Variants in IQCJ observed in about 807,000 individuals in gnomAD.
IQCJ encodes the protein IQ motif containing J, also known as IQ domain-containing protein J.
A neutral mutation model predicts 11.0 loss-of-function variants in IQCJ; 9 were observed. The observed-to-expected ratio is 0.82, with a 90% CI of 0.49 to 1.43. The LOEUF is 1.43. Ranked by LOEUF, IQCJ falls within the 40% of genes most tolerant of loss-of-function variation. The pLI is 0.00. For synonymous variants in IQCJ, 55 were observed against 51.3 expected, an observed-to-expected ratio of 1.07 and a Z score of -0.31; for missense variants, 146 against 133.2, an observed-to-expected ratio of 1.10 and a Z score of -0.47.
intron 1 of IQCJ, among the ~76,000 whole-genome samples, chr3:159,229,470 A>C (rs985683716): frequency 6.6e-6 from 1 of 152,000 alleles, no homozygotes; most frequent in Non-Finnish European, 1.5e-5. Flanking sequence ...TTCAGGCTGC[A>C]GGAAGACAGG....
intron 1 of IQCJ, among the ~76,000 whole-genome samples, chr3:159,135,893 G>A (rs1720262977): frequency 6.6e-6 from 1 of 152,202 alleles, no homozygotes; most frequent in African/African-American, 2.4e-5. Flanking sequence ...AATTATTTAT[G>A]TAGTAAACAA....
At chr3:159,252,140 A>C (rs1727639273) in intron 2 of IQCJ, among the ~76,000 whole-genome samples, 1 of 152,186 alleles carries the variant, frequency 6.6e-6, no homozygotes, top group African/African-American at 2.4e-5. Flanking sequence ...CCGTCCTTCA[A>C]AACTCATCCC....
At chr3:159,114,226 G>A (rs1017801900) in intron 1 of IQCJ, among the ~76,000 whole-genome samples, 2 of 152,002 alleles carry the variant, frequency 1.3e-5, no homozygotes, top group Non-Finnish European at 2.9e-5. Flanking sequence ...TATTTTCTAA[G>A]TTCCTTTGGT....
chr3:159,121,585 C>G (rs913439224), intron 1 of IQCJ, among the ~76,000 whole-genome samples: 1 of 152,174 alleles, frequency 6.6e-6, no homozygotes, highest in African/African-American at 2.4e-5. Context: ...AATTTTTTGT[C>G]TGAGCTCCAG....
rs190024895 is a variant in IQCJ at position 159,094,112 on chromosome 3, A to G, written c.9+24671A>G. 1.9e-3 allele frequency among the ~76,000 whole-genome samples: 296 copies of G among 151,920 alleles called. 13 individuals carry two copies. Among genetic ancestry groups the G allele is most frequent in the African/African-American group, 6.9e-3 (285 of 41,210 alleles). ...CTCCTTTACATGTTTTCTCTTGGCAATGTCCAAAATCTATGCTCCTAGCCA... is the reference window on the plus strand; with the variant it reads ...CTCCTTTACATGTTTTCTCTTGGCAGTGTCCAAAATCTATGCTCCTAGCCA... On this transcript the variant is annotated intron_variant, in intron 1 of 3. Transcript: ENST00000397832.
chr3:159,220,501 G>A (rs906960291), intron 1 of IQCJ, among the ~76,000 whole-genome samples: 10 of 152,132 alleles, frequency 6.6e-5, no homozygotes, highest in African/African-American at 2.4e-4. Context: ...TCCTGTACCT[G>A]TGCTTTACCT....
chr3:159,094,826 A>G (rs1227682471), intron 1 of IQCJ, among the ~76,000 whole-genome samples: 1 of 151,918 alleles, frequency 6.6e-6, no homozygotes, highest in Non-Finnish European at 1.5e-5. Flanking sequence ...CTTCTTTATT[A>G]TCCATGTTGG....
intron 1 of IQCJ, among the ~76,000 whole-genome samples, chr3:159,076,515 A>G (rs1051592089): frequency 6.6e-5 from 10 of 152,110 alleles, no homozygotes; most frequent in African/African-American, 2.2e-4. Context: ...TTATCTGTAA[A>G]ATGAATATTA....
intron 1 of IQCJ, among the ~76,000 whole-genome samples, chr3:159,162,771 A>G (rs1478189980): frequency 6.6e-6 from 1 of 152,206 alleles, no homozygotes; most frequent in Non-Finnish European, 1.5e-5. Context: ...AATACAAACT[A>G]CCGTCAGAGA....
chr3:159,174,999 C>T (rs899154819), intron 1 of IQCJ, among the ~76,000 whole-genome samples: 2 of 152,140 alleles, frequency 1.3e-5, no homozygotes, highest in East Asian at 1.9e-4. Context: ...TTTATACCCT[C>T]TTCCACCAGC....
At chr3:159,254,396 G>C (rs528956957) in intron 3 of IQCJ, among the ~76,000 whole-genome samples, 39 of 152,262 alleles carry the variant, frequency 2.6e-4, no homozygotes, top group African/African-American at 8.7e-4. Context: ...TATATTTGTT[G>C]ATTTGTTGGA....
chr3:159,151,925 C>T (rs1055346651), intron 1 of IQCJ, among the ~76,000 whole-genome samples: 1 of 152,254 alleles, frequency 6.6e-6, no homozygotes, highest in Non-Finnish European at 1.5e-5. Context: ...TGAGCCATCA[C>T]ACCCAGCTCA....
chr3:159,185,417 G>A (rs962299309), intron 1 of IQCJ, among the ~76,000 whole-genome samples: 29 of 152,260 alleles, frequency 1.9e-4, no homozygotes, highest in African/African-American at 6.3e-4. Context: ...CTAAAAGAAG[G>A]ATAGAAAGGA....
chr3:159,208,169 C>G (rs1053585310), intron 1 of IQCJ, among the ~76,000 whole-genome samples: 2 of 152,166 alleles, frequency 1.3e-5, no homozygotes, highest in African/African-American at 2.4e-5. Flanking sequence ...TGGGGAGCTC[C>G]TGACAGATGA....
chr3:159,073,668 A>G (rs536819424), intron 1 of IQCJ, among the ~76,000 whole-genome samples: 9 of 152,150 alleles, frequency 5.9e-5, no homozygotes, highest in South Asian at 2.1e-4. Flanking sequence ...CTCCCATCCA[A>G]TTCAGTCTCT....
At chr3:159,248,221 G>T (rs550907782) in intron 2 of IQCJ, among the ~76,000 whole-genome samples, 15 of 152,198 alleles carry the variant, frequency 9.9e-5, no homozygotes, top group African/African-American at 3.6e-4. Flanking sequence ...TACCTTCAAT[G>T]CTGGCTCCTT....
intron 3 of IQCJ, among the ~76,000 whole-genome samples, chr3:159,260,664 G>C (rs1440688913): frequency 6.6e-6 from 1 of 152,082 alleles, no homozygotes; most frequent in Non-Finnish European, 1.5e-5. Flanking sequence ...TTCCCATTCT[G>C]CTTAAAATCT....
chr3:159,171,194 C>T (rs1164793956), intron 1 of IQCJ, among the ~76,000 whole-genome samples: 1 of 151,946 alleles, frequency 6.6e-6, no homozygotes, highest in Non-Finnish European at 1.5e-5. Flanking sequence ...CAGCACTCCC[C>T]CATGAAATTA....
intron 3 of IQCJ, among the ~76,000 whole-genome samples, chr3:159,253,719 A>G (rs1727735904): frequency 6.6e-6 from 1 of 152,114 alleles, no homozygotes; most frequent in Admixed American, 6.6e-5. Flanking sequence ...AGAATCACTG[A>G]TCTGTTTTTT....
Sources: allele counts gnomAD v4.1 joint callset (sites outside exome capture counted in the v4.1 genomes callset), GRCh38; gene constraint gnomAD v4.1.1; transcripts MANE v1.5; gene names NCBI Gene and HGNC (gene_info 2026-07-23, HGNC 2026-07-21).